SNTG1: variants seen among roughly 807,000 people sequenced by gnomAD.
SNTG1 encodes gamma-1-syntrophin.
Under a neutral mutation model 74.7 loss-of-function variants are expected in SNTG1, and 39 were observed. That is an observed-to-expected ratio of 0.52 (90% CI 0.40 to 0.68). The LOEUF (loss-of-function observed/expected upper bound fraction) is 0.68, where lower values mean the gene tolerates loss of function less well. SNTG1 is among the 30% of genes least tolerant of loss of function. The pLI is 0.00. For synonymous variants in SNTG1, 254 were observed against 217.1 expected, an observed-to-expected ratio of 1.17 and a Z score of -1.49; for missense variants, 685 against 609.5, an observed-to-expected ratio of 1.12 and a Z score of -1.30.
chr8:50,714,023 C>T (rs1245648151), intron 17 of SNTG1, among the ~76,000 whole-genome samples: 1 of 145,184 alleles, frequency 6.9e-6, no homozygotes, highest in Non-Finnish European at 1.5e-5. Flanking sequence ...CGCACCACTG[C>T]ACTCCAGCCT....
chr8:50,111,141 A>C (rs1347149926), intron 1 of SNTG1, among the ~76,000 whole-genome samples: 2 of 152,048 alleles, frequency 1.3e-5, no homozygotes, highest in Non-Finnish European at 2.9e-5. Flanking sequence ...TATGAGTGTT[A>C]GTGTATTTTT....
chr8:49,990,798 G>C (rs183884859), intron 1 of SNTG1, among the ~76,000 whole-genome samples: 7 of 152,166 alleles, frequency 4.6e-5, no homozygotes, highest in African/African-American at 1.4e-4. Flanking sequence ...ACTCAAAATG[G>C]ATCATAAGCA....
At chr8:50,639,555 CAT>C (rs1286711075) in intron 13 of SNTG1, among the ~76,000 whole-genome samples, 4 of 151,934 alleles carry the variant, frequency 2.6e-5, no homozygotes, top group Admixed American at 1.3e-4. Flanking sequence ...AGTACTAACA[CAT>C]ATGTTATTGA....
intron 6 of SNTG1, 107 bp from the exon 7 acceptor site, chr8:50,450,449 C>CA: frequency 1.7e-6 from 2 of 1,147,670 alleles, no homozygotes; most frequent in Non-Finnish European, 1.3e-6. Context: ...CCATATAAGA[C>CA]ACTTAATTTT....
intron 17 of SNTG1, among the ~76,000 whole-genome samples, chr8:50,751,583 C>T (rs939499406): frequency 6.6e-6 from 1 of 151,890 alleles, no homozygotes; most frequent in African/African-American, 2.4e-5. Context: ...CAGTTTTTGT[C>T]ATAAGGGTTT....
chr8:50,306,818 T>C (rs897021790), intron 2 of SNTG1, among the ~76,000 whole-genome samples: 1 of 152,106 alleles, frequency 6.6e-6, no homozygotes, highest in Non-Finnish European at 1.5e-5. Flanking sequence ...GCAAATATTA[T>C]CTCCCATTCT....
chr8:50,686,404 G>C lies in SNTG1; in HGVS notation c.1039-18196G>C, dbSNP rs561275243. 2.0e-5 allele frequency among the ~76,000 whole-genome samples: 3 copies of C among 152,142 alleles called. No individual in the cohort carries two copies. In the South Asian group the frequency reaches 6.2e-4, roughly 32 times the overall value. Reference sequence around the variant, plus strand: ...GATAAATTAAATTATAGCCAACTTTGGTGGATTACTATAAAGATTAAACTA... The same window carrying C: ...GATAAATTAAATTATAGCCAACTTTCGTGGATTACTATAAAGATTAAACTA... On this transcript the variant is annotated intron_variant, in intron 15 of 18. Transcript: ENST00000642720.
At chr8:50,114,693 C>T (rs922077937) in intron 1 of SNTG1, among the ~76,000 whole-genome samples, 2 of 152,086 alleles carry the variant, frequency 1.3e-5, no homozygotes, top group Non-Finnish European at 2.9e-5. Flanking sequence ...GGTGAAACCC[C>T]GTCTCTACTA....
At chr8:50,695,470 T>C (rs1041728190) in intron 15 of SNTG1, among the ~76,000 whole-genome samples, 1 of 137,952 alleles carries the variant, frequency 7.2e-6, no homozygotes, top group Non-Finnish European at 1.6e-5. Context: ...CTTTTAATTT[T>C]TGTCTGTTTT....
intron 8 of SNTG1, among the ~76,000 whole-genome samples, chr8:50,486,979 C>T (rs1474113916): frequency 6.6e-6 from 1 of 152,178 alleles, no homozygotes; most frequent in Admixed American, 6.5e-5. Flanking sequence ...ATTGAACCAG[C>T]CTTGCATCAC....
chr8:50,786,125 T>G (rs760997934), intron 18 of SNTG1, among the ~76,000 whole-genome samples: 2 of 151,968 alleles, frequency 1.3e-5, no homozygotes, highest in Non-Finnish European at 2.9e-5. Flanking sequence ...AAAATGTTCA[T>G]GAATTCACTA....
At chr8:50,520,929 C>T (rs755650596) in intron 9 of SNTG1, among the ~76,000 whole-genome samples, 1 of 152,040 alleles carries the variant, frequency 6.6e-6, no homozygotes, top group African/African-American at 2.4e-5. Context: ...TGGGTATATA[C>T]CCAAAGGAAT....
chr8:50,484,110 T>C (rs976689439), intron 8 of SNTG1, among the ~76,000 whole-genome samples: 4 of 104,190 alleles, frequency 3.8e-5, no homozygotes, highest in African/African-American at 1.1e-4. Flanking sequence ...CTCTCTTTCT[T>C]TCTTTCTTTC....
intron 1 of SNTG1, among the ~76,000 whole-genome samples, chr8:50,123,398 C>T (rs959154910): frequency 1.4e-5 from 2 of 142,154 alleles, no homozygotes; most frequent in African/African-American, 2.5e-5. Flanking sequence ...TCCTAATGAT[C>T]GGTAGATAAA....
intron 1 of SNTG1, among the ~76,000 whole-genome samples, chr8:50,099,349 C>G (rs2080041282): frequency 6.6e-6 from 1 of 152,070 alleles, no homozygotes. Context: ...ACAAACAAGA[C>G]AGAAACCAAA....
intron 2 of SNTG1, among the ~76,000 whole-genome samples, chr8:50,211,438 G>A (rs917930597): frequency 2.0e-5 from 3 of 151,824 alleles, no homozygotes; most frequent in African/African-American, 4.8e-5. Flanking sequence ...TTATGTACTT[G>A]GTGCCATGCA....
At chr8:50,206,413 G>A (rs771885937) in intron 2 of SNTG1, among the ~76,000 whole-genome samples, 2 of 152,156 alleles carry the variant, frequency 1.3e-5, no homozygotes, top group Non-Finnish European at 2.9e-5. Context: ...TTTGAACATT[G>A]ATTTTGTATC....
intron 1 of SNTG1, among the ~76,000 whole-genome samples, chr8:50,166,927 G>A (rs11778965): frequency 0.27 from 40,355 of 148,298 alleles, 5,690 homozygotes; most frequent in Middle Eastern, 0.41. Context: ...ATACACCATG[G>A]AATACTATGC....
intron 1 of SNTG1, among the ~76,000 whole-genome samples, chr8:50,073,945 T>C (rs1821599891): frequency 6.7e-6 from 1 of 149,634 alleles, no homozygotes. Context: ...ACAAGCATAC[T>C]AGATTTCGCA....
Sources: gnomAD v4.1 joint callset for allele counts (sites outside exome capture counted in the v4.1 genomes callset) on GRCh38, gnomAD v4.1.1 for gene constraint, MANE v1.5 for transcripts, NCBI Gene and HGNC (gene_info 2026-07-23, HGNC 2026-07-21) for gene names.